APLN: variants seen among roughly 807,000 people sequenced by gnomAD.
The protein encoded by APLN is AGTRL1 ligand.
APLN carries 2 observed loss-of-function variants against 4.3 expected under a neutral mutation model. The ratio of observed to expected loss-of-function variants is 0.46; its 90% confidence interval spans 0.19 to 1.45. The LOEUF (loss-of-function observed/expected upper bound fraction) is 1.45. APLN is among the 40% of genes most tolerant of loss of function. The pLI is 0.25. For missense variants in APLN, 80 were observed against 70.0 expected (o/e 1.14, Z -0.51); for synonymous variants, 34 against 30.4 (o/e 1.12, Z -0.38).
rs1319079454 is a variant in APLN at position 129,647,147 on chromosome X, C to T, written c.*776G>A. On this transcript the variant is annotated 3_prime_UTR_variant, in exon 3 of 3. Transcript: ENST00000429967. ...TTGGCAAAAACAACCTCTTGCTTGG[C>T]TTTTACTCCTGGGAGGGTATATAGC... 1 of 122,605 alleles carries T rather than the reference C, an allele frequency of 8.2e-6. No individual in the cohort carries two copies. Among genetic ancestry groups the T allele is most frequent in the Non-Finnish European group, 1.7e-5 (1 of 57,962 alleles). 10.1% of individuals were successfully genotyped at this position (122,605 alleles called of 1,213,427 possible).
In APLN at chrX:129,647,728, C is replaced by T. The variant is rs373607447; in HGVS notation, c.*195G>A. 48 of 980,622 alleles carry T rather than the reference C, an allele frequency of 4.9e-5. No homozygotes were observed. The African/African-American group carries it at 6.0e-4, about 12-fold the overall frequency. 80.8% of individuals were successfully genotyped at this position (980,622 alleles called of 1,213,427 possible). On this transcript the variant is annotated 3_prime_UTR_variant, in exon 3 of 3. Coordinates refer to ENST00000429967, the MANE Select transcript of APLN (RefSeq NM_017413.5). ...GACTGGACGGATTCTTGTGAGAGAA[C>T]GGGAATCATCCAAACTACAGCCAGG...
intron 1 of APLN, among the ~76,000 whole-genome samples, chrX:129,649,631 G>T (rs1936966189): frequency 8.9e-6 from 1 of 111,783 alleles, no homozygotes; most frequent in Non-Finnish European, 1.9e-5. Flanking sequence ...CACCAGGAGG[G>T]GGGTGGGCTG....
intron 2 of APLN, 71 bp downstream of exon 2, chrX:129,648,550 G>A (rs1224197386): frequency 5.4e-5 from 60 of 1,107,982 alleles, no homozygotes; most frequent in Non-Finnish European, 6.3e-5. Context: ...ATGAGCGGCA[G>A]GATCACCCGG....
chrX:129,648,480 C>T, intron 2 of APLN, 141 bp downstream of exon 2: 1 of 728,998 alleles, frequency 1.4e-6, no homozygotes, highest in Non-Finnish European at 2.0e-6. Context: ...GCTCTCTTGC[C>T]AGCTCTAAGC....
chrX:129,653,564 G>T (rs901322071), intron 1 of APLN, among the ~76,000 whole-genome samples: 2 of 112,720 alleles, frequency 1.8e-5, no homozygotes, highest in Admixed American at 9.3e-5. Context: ...GTGGCAGCTG[G>T]AGGTGGGAGC....
intron 1 of APLN, among the ~76,000 whole-genome samples, chrX:129,653,940 C>T (rs766521594): frequency 9.0e-6 from 1 of 111,656 alleles, no homozygotes; most frequent in African/African-American, 3.3e-5. Context: ...GAAGACCAGC[C>T]CAGCCCGGCT....
chrX:129,649,431 A>G (rs1936964400), intron 1 of APLN, among the ~76,000 whole-genome samples: 2 of 111,389 alleles, frequency 1.8e-5, no homozygotes, highest in South Asian at 7.6e-4. Flanking sequence ...AGGCATCTCT[A>G]GGGCGCCAAG....
At position 129,654,304 on chromosome X, in the gene APLN, C is replaced by T. The variant is rs781503372; in HGVS notation, c.67+260G>A. Among the ~76,000 whole-genome samples, 5 of 113,454 alleles carry T rather than the reference C, an allele frequency of 4.4e-5. No homozygotes were observed. In the Admixed American group the frequency reaches 4.6e-4, roughly 10 times the overall value. ...CTGTGGTCCTGAGCTCCTGGGACTG[C>T]GAGCGACGGTTAGGAGGGACAAGGT... On this transcript the variant is annotated intron_variant, in intron 1 of 2. Coordinates refer to ENST00000429967, the MANE Select transcript of APLN (RefSeq NM_017413.5).
At chrX:129,648,433 G>A (rs955105270) in intron 2 of APLN, among the ~76,000 whole-genome samples, 188 bp downstream of exon 2, 1 of 112,477 alleles carries the variant, frequency 8.9e-6, no homozygotes, top group Admixed American at 9.3e-5. Context: ...CGAGGAGATC[G>A]TCTGTAAAAT....
Position 129,654,696 on chromosome X carries a change from G to A in APLN, c.-66C>T, listed in dbSNP as rs1415061671. On this transcript the variant is annotated 5_prime_UTR_variant, in exon 1 of 3. Coordinates refer to ENST00000429967, the MANE Select transcript of APLN (RefSeq NM_017413.5). ...GGGGAGGAGAGGTCGGGCGCCCGGA[G>A]GCCAAGAAAGGCGCGAGCCGCGGCT... 3.4e-6 allele frequency: 3 copies of A among 878,025 alleles called. No individual in the cohort carries two copies. In the Admixed American group the frequency reaches 1.7e-4, roughly 49 times the overall value. 72.4% of individuals were successfully genotyped at this position (878,025 alleles called of 1,213,427 possible). A position where few individuals can be genotyped will look rare whatever the true frequency, so the allele number is the denominator to read the frequency against.
chrX:129,654,514 A>G, intron 1 of APLN, 50 bp downstream of exon 1: 1 of 1,114,067 alleles, frequency 9.0e-7, no homozygotes, highest in Middle Eastern at 3.0e-4. Flanking sequence ...GGGCGGAGGG[A>G]AAGGAGCACG....
intron 2 of APLN, 100 bp downstream of exon 2, chrX:129,648,521 T>C: frequency 2.0e-6 from 2 of 987,480 alleles, no homozygotes; most frequent in Non-Finnish European, 2.7e-6. Flanking sequence ...GACTGTTTGA[T>C]GGATGTGTCT....
chrX:129,650,030 T>C (rs754460377), intron 1 of APLN, among the ~76,000 whole-genome samples: 1 of 111,116 alleles, frequency 9.0e-6, no homozygotes, highest in East Asian at 2.8e-4. Flanking sequence ...GCAGGGTACT[T>C]GTGCAATGTC....
intron 1 of APLN, among the ~76,000 whole-genome samples, chrX:129,649,123 G>C (rs960974150): frequency 9.0e-6 from 1 of 110,814 alleles, no homozygotes; most frequent in African/African-American, 3.3e-5. Flanking sequence ...ACTTGGCTGG[G>C]GGGCAGGAGG....
Position 129,648,779 on chromosome X carries a change from C to T in APLN, c.81G>A (p.Pro27=), listed in dbSNP as rs748163414. Residue 27 remains proline, a synonymous_variant, in exon 2 of 3, where the codon CCG becomes CCA. Transcript: ENST00000429967. ...CTTCCAGCCCATTCCCATCGGGAAG[C>T]GGCATCAGGGACCCTGCAGGAAGGA... The part of the protein sequence containing the change: ...LTAVCGGSLM[P]LPDGNGLEDG... 3.9e-5 allele frequency: 45 copies of T among 1,167,611 alleles called. No individual in the cohort carries two copies. The highest frequency in any genetic ancestry group is 2.4e-4 in the Middle Eastern group (1 of 4,140).
rs1385093218 is a variant in APLN, at chrX:129,647,465, C to A, written c.*458G>T. ...GTCTCTCCTTGCTTTTCTCTGCATT[C>A]TTCCCTGGAGGCCAGGTGAGGGGTC... On this transcript the variant is annotated 3_prime_UTR_variant, in exon 3 of 3. Coordinates refer to ENST00000429967, the MANE Select transcript of APLN (RefSeq NM_017413.5). 2.4e-6 allele frequency: 1 copy of A among 413,049 alleles called. No homozygotes were observed. The highest frequency in any genetic ancestry group is 3.3e-5 in the South Asian group (1 of 30,109). The allele number at this position is 413,049 out of a possible 1,213,427, so 34.0% of individuals were successfully genotyped here.
intron 2 of APLN, 84 bp from the exon 3 acceptor site, chrX:129,648,001 G>A: frequency 4.2e-6 from 4 of 942,118 alleles, no homozygotes; most frequent in Non-Finnish European, 5.5e-6. Flanking sequence ...GGAGAGAGGA[G>A]ACCGCCTTCT....
At chrX:129,653,422 C>A (rs927705548) in intron 1 of APLN, among the ~76,000 whole-genome samples, 3 of 112,912 alleles carry the variant, frequency 2.7e-5, no homozygotes, top group Admixed American at 9.3e-5. Context: ...AAACTCACTG[C>A]CCTGCCTTCT....
chrX:129,652,726 G>C (rs1936986193), intron 1 of APLN, among the ~76,000 whole-genome samples: 1 of 112,513 alleles, frequency 8.9e-6, no homozygotes, highest in Admixed American at 9.3e-5. Flanking sequence ...CAGCCACATG[G>C]TGTTCGGGCA....
Sources: allele counts gnomAD v4.1 joint callset (sites outside exome capture counted in the v4.1 genomes callset), GRCh38; gene constraint gnomAD v4.1.1; transcripts MANE v1.5; gene names NCBI Gene and HGNC (gene_info 2026-07-23, HGNC 2026-07-21).